Variants in LDLRAD4 observed in about 807,000 individuals in gnomAD.
LDLRAD4 encodes the protein low density lipoprotein receptor class A domain containing 4.
A neutral mutation model predicts 17.0 loss-of-function variants in LDLRAD4; 5 were observed. The ratio of observed to expected loss-of-function variants is 0.29; its 90% CI spans 0.15 to 0.62. The LOEUF (loss-of-function observed/expected upper bound fraction) is 0.62, where lower values mean the gene tolerates loss of function less well. LDLRAD4 is among the 20% of genes least tolerant of loss of function. The pLI is 0.84. For synonymous variants in LDLRAD4, 168 were observed against 171.8 expected (o/e 0.98, Z 0.17); for missense variants, 340 against 424.7 (o/e 0.80, Z 1.75).
intron 3 of LDLRAD4, among the ~76,000 whole-genome samples, chr18:13,590,231 A>G (rs2095000232): frequency 6.8e-6 from 1 of 146,200 alleles, no homozygotes; most frequent in South Asian, 2.2e-4. Context: ...GTGTGGGTAT[A>G]AGTGTGTGCA....
At chr18:13,528,380 T>C (rs1044469474) in intron 3 of LDLRAD4, among the ~76,000 whole-genome samples, 1 of 152,204 alleles carries the variant, frequency 6.6e-6, no homozygotes, top group South Asian at 2.1e-4. Flanking sequence ...TGGTGCCATC[T>C]TGGCTCACTG....
At chr18:13,279,490 C>T (rs938534372) in intron 1 of LDLRAD4, 1 of 152,236 alleles carries the variant, frequency 6.6e-6, no homozygotes, top group Admixed American at 6.5e-5. Flanking sequence ...GCACTGTCTT[C>T]AAGTAGAATT....
chr18:13,285,035 G>A, intron 1 of LDLRAD4, among the ~76,000 whole-genome samples: 1 of 152,196 alleles, frequency 6.6e-6, no homozygotes, highest in Non-Finnish European at 1.5e-5. Flanking sequence ...TTGGGGGCGT[G>A]GGCTGCCCTT....
At chr18:13,546,530 G>A (rs1484398175) in intron 3 of LDLRAD4, among the ~76,000 whole-genome samples, 1 of 151,794 alleles carries the variant, frequency 6.6e-6, no homozygotes, top group African/African-American at 2.4e-5. Context: ...CACCATGCCT[G>A]GCTAATTTTT....
intron 1 of LDLRAD4, among the ~76,000 whole-genome samples, chr18:13,256,025 T>G (rs1371986386): frequency 6.6e-6 from 1 of 152,238 alleles, no homozygotes; most frequent in African/African-American, 2.4e-5. Context: ...TAGAAAATGA[T>G]GTATCACTTA....
intron 3 of LDLRAD4, among the ~76,000 whole-genome samples, chr18:13,470,492 G>A (rs1568208294): frequency 6.7e-6 from 1 of 150,102 alleles, no homozygotes; most frequent in Non-Finnish European, 1.5e-5. Context: ...GTCTGCCACA[G>A]CAAAATAGCC....
At chr18:13,476,719 T>A (rs773650314) in intron 3 of LDLRAD4, among the ~76,000 whole-genome samples, 3 of 152,104 alleles carry the variant, frequency 2.0e-5, no homozygotes, top group Non-Finnish European at 4.4e-5. Context: ...CCTCTCTGTC[T>A]CCTCCACACA....
intron 2 of LDLRAD4, 26 bp from the exon 4 acceptor site, chr18:13,438,218 C>G: frequency 1.2e-6 from 2 of 1,611,170 alleles, no homozygotes; most frequent in Non-Finnish European, 1.7e-6. Flanking sequence ...ATTGACTGCT[C>G]CATGCTTTAT....
chr18:13,302,858 T>TA (rs1206747609), intron 1 of LDLRAD4, among the ~76,000 whole-genome samples: 6 of 152,164 alleles, frequency 3.9e-5, no homozygotes, highest in African/African-American at 1.4e-4. Context: ...TATATGGAGT[T>TA]ATGTTACGTG....
intron 3 of LDLRAD4, among the ~76,000 whole-genome samples, chr18:13,569,302 G>A (rs540293254): frequency 6.7e-6 from 1 of 149,808 alleles, no homozygotes; most frequent in Admixed American, 6.7e-5. Context: ...TGAACTATTA[G>A]CTCCATACTA....
intron 3 of LDLRAD4, among the ~76,000 whole-genome samples, chr18:13,482,129 C>G (rs913717169): frequency 3.9e-5 from 6 of 151,970 alleles, no homozygotes; most frequent in African/African-American, 1.5e-4. Context: ...GAAGGAGACC[C>G]AGTGGGGAAG....
At position 13,645,520 on chromosome 18, in the gene LDLRAD4, C is replaced by CA; in HGVS notation, c.785dup (p.His262GlnfsTer39). On this transcript the variant is annotated frameshift_variant, in exon 6 of 6. Coordinates refer to ENST00000359446, the Ensembl canonical transcript of LDLRAD4. LOFTEE classifies it high-confidence loss of function. The surrounding 1 kb of genome is among the most constrained non-coding windows in gnomAD (Gnocchi z 5.7). The stretch of plus-strand genomic sequence containing the variant: ...CACATACAGCGAGGTGATGGGCCAC[C>CA]ACCCAGGCGCCTCTTTCCTCCATCA... The CA allele has an allele frequency of 6.2e-7, 1 of 1,610,870 alleles. No homozygotes were observed. The highest frequency in any genetic ancestry group is 8.5e-7 in the Non-Finnish European group (1 of 1,178,622).
At chr18:13,289,454 T>C (rs2045841607) in intron 1 of LDLRAD4, among the ~76,000 whole-genome samples, 1 of 152,242 alleles carries the variant, frequency 6.6e-6, no homozygotes, top group South Asian at 2.1e-4. Flanking sequence ...AATTTAGTAC[T>C]ATATGGCCAG....
rs146808739 is a variant in LDLRAD4, at chr18:13,510,270, T to C, written c.181+71886T>C. 6.8e-4 allele frequency among the ~76,000 whole-genome samples: 103 copies of C among 152,290 alleles called. 1 individual carries two copies. The highest frequency in any genetic ancestry group is 3.1e-3 in the South Asian group (15 of 4,816). ...TAGATCTAGAATGGAAGAGGTAATA[T>C]GTTTTTGTGGGAATGGGGACCTATG... On this transcript the variant is annotated intron_variant, in intron 3 of 5. Transcript: ENST00000359446.
At chr18:13,593,501 T>G (rs2095053703) in intron 3 of LDLRAD4, among the ~76,000 whole-genome samples, 1 of 152,210 alleles carries the variant, frequency 6.6e-6, no homozygotes, top group African/African-American at 2.4e-5. Flanking sequence ...CTGTGGCTTA[T>G]CAGGATGTGA....
chr18:13,644,998 T>G (rs1361277076), intron 5 of LDLRAD4, 129 bp from the exon 7 acceptor site: 1 of 777,904 alleles, frequency 1.3e-6, no homozygotes, highest in Non-Finnish European at 2.1e-6. Context: ...GTTTTCTTTT[T>G]TTTTTTCCTG....
intron 1 of LDLRAD4, among the ~76,000 whole-genome samples, chr18:13,293,853 C>A (rs961068332): frequency 4.6e-5 from 7 of 152,166 alleles, no homozygotes; most frequent in African/African-American, 1.7e-4. Context: ...GCGGCTTTCC[C>A]CCCTTGCTTT....
At chr18:13,417,625 G>A (rs917041146) in intron 2 of LDLRAD4, among the ~76,000 whole-genome samples, 2 of 151,976 alleles carry the variant, frequency 1.3e-5, no homozygotes, top group African/African-American at 2.4e-5. Context: ...TAGTAGAGAC[G>A]GGGTTTCACC....
intron 3 of LDLRAD4, among the ~76,000 whole-genome samples, chr18:13,442,771 A>G (rs1163245201): frequency 1.3e-5 from 2 of 152,210 alleles, no homozygotes; most frequent in African/African-American, 2.4e-5. Context: ...AGAAGCGATA[A>G]TTGAGTGGTC....
Sources: gnomAD v4.1 joint callset for allele counts (sites outside exome capture counted in the v4.1 genomes callset) on GRCh38, gnomAD v4.1.1 for gene constraint, Gnocchi (gnomAD v3.1) non-coding constraint, MANE v1.5 for transcripts, NCBI Gene and HGNC (gene_info 2026-07-23, HGNC 2026-07-21) for gene names.